Variants in ABCA13 observed in about 807,000 individuals in gnomAD.
ABCA13 encodes ATP binding cassette subfamily A member 13.
In ABCA13, 476 loss-of-function variants were observed where a neutral mutation model predicts 478.7. The ratio of observed to expected loss-of-function variants is 0.99; its 90% confidence interval spans 0.92 to 1.07. ABCA13 has a LOEUF of 1.07. ABCA13 is among the 50% of genes least tolerant of loss of function. ABCA13 has a pLI of 0.00. For missense variants in ABCA13, 6,060 were observed against 5,910.6 expected, an observed-to-expected ratio of 1.03 and a Z score of -0.83; for synonymous variants, 2,252 against 2,158.9, an observed-to-expected ratio of 1.04 and a Z score of -1.20.
chr7:48,361,184 A>G (rs1014909921), intron 31 of ABCA13, among the ~76,000 whole-genome samples: 19 of 151,942 alleles, frequency 1.3e-4, no homozygotes, highest in Admixed American at 3.9e-4. Context: ...AGGGACGAGA[A>G]TCACAGCACC....
chr7:48,332,521 T>A (rs1805573908), intron 27 of ABCA13, among the ~76,000 whole-genome samples: 1 of 152,238 alleles, frequency 6.6e-6, no homozygotes, highest in East Asian at 1.9e-4. Context: ...TATGTTTTAA[T>A]CATCAAATAC....
chr7:48,486,133 T>C lies in ABCA13; in HGVS notation c.13182+2970T>C, dbSNP rs555792359. Among the ~76,000 whole-genome samples, 34 of 152,342 alleles carry C rather than the reference T, an allele frequency of 2.2e-4. 1 individual carries two copies. The highest frequency in any genetic ancestry group is 3.4e-3 in the Middle Eastern group (1 of 294). On this transcript the variant is annotated intron_variant, in intron 47 of 61. Coordinates refer to ENST00000435803, the MANE Select transcript of ABCA13 (RefSeq NM_152701.5). ...CTACTCTCACGATCTTGTTGAGATA[T>C]GCTGCTCTCTCTAAAATTAATTAGT...
chr7:48,388,648 G>T (rs549663657), intron 36 of ABCA13, among the ~76,000 whole-genome samples: 2 of 152,318 alleles, frequency 1.3e-5, no homozygotes, highest in African/African-American at 4.8e-5. Context: ...TCTGAATTAT[G>T]AATCTTTTAG....
At chr7:48,394,208 C>G (rs1172534465) in intron 38 of ABCA13, among the ~76,000 whole-genome samples, 5 of 152,086 alleles carry the variant, frequency 3.3e-5, no homozygotes, top group Admixed American at 3.3e-4. Flanking sequence ...TGCCTATTGT[C>G]TCAGATTTAT....
chr7:48,273,457 T>G lies in ABCA13; in HGVS notation c.3791T>G (p.Leu1264Arg). The G allele has an allele frequency of 2.5e-6, 4 of 1,611,710 alleles. No individual in the cohort carries two copies. The highest frequency in any genetic ancestry group is 3.4e-6 in the Non-Finnish European group (4 of 1,178,696). ...EKSLFTMEAA[L>R]HQLKTFPFNE... ...TCCCTTTTCACCATGGAAGCTGCCC[T>G]GCATCAGTTGAAGACATTTCCATTC... Residue 1264 changes from leucine (L) to arginine (R), a missense_variant, in exon 17 of 62, where the codon CTG becomes CGG. Coordinates refer to ENST00000435803, the MANE Select transcript of ABCA13 (RefSeq NM_152701.5).
chr7:48,407,236 G>A (rs919657698), intron 39 of ABCA13, among the ~76,000 whole-genome samples: 8 of 152,120 alleles, frequency 5.3e-5, no homozygotes, highest in East Asian at 1.9e-4. Context: ...CACTTTGGGC[G>A]GCCGAGAGAA....
Position 48,642,165 on chromosome 7 carries a change from TAAGAC to T in ABCA13, c.14838-1118_14838-1114del, listed in dbSNP as rs147634098. On this transcript the variant is annotated intron_variant, in intron 59 of 61. Coordinates refer to ENST00000435803, the MANE Select transcript of ABCA13 (RefSeq NM_152701.5). ...GAAGTGACATCTGACAGCCTGAAAT[TAAGAC>T]AAGAGGACAGAAAAACAGAACACCA... Among the ~76,000 whole-genome samples the T allele has an allele frequency of 7.1e-3, 1,083 of 152,260 alleles. 12 individuals are homozygous for T. The highest frequency in any genetic ancestry group is 0.024 in the African/African-American group (1,000 of 41,548).
At chr7:48,424,579 G>T (rs1821164736) in intron 41 of ABCA13, among the ~76,000 whole-genome samples, 2 of 152,310 alleles carry the variant, frequency 1.3e-5, no homozygotes, top group Non-Finnish European at 2.9e-5. Context: ...ACTTACTGAT[G>T]ACGCTAAGTG....
intron 25 of ABCA13, among the ~76,000 whole-genome samples, chr7:48,313,530 G>A (rs1041430955): frequency 2.0e-5 from 3 of 152,202 alleles, no homozygotes; most frequent in African/African-American, 7.2e-5. Flanking sequence ...GCACAGATGA[G>A]ATTTCAAGGG....
intron 55 of ABCA13, among the ~76,000 whole-genome samples, chr7:48,566,102 C>G (rs1017059096): frequency 1.3e-5 from 2 of 152,106 alleles, no homozygotes; most frequent in Non-Finnish European, 2.9e-5. Context: ...TCTCATTGAC[C>G]TACTTTCACG....
chr7:48,414,834 C>A (rs62447272), intron 41 of ABCA13, among the ~76,000 whole-genome samples: 29,612 of 151,946 alleles, frequency 0.19, 3,273 homozygotes, highest in East Asian at 0.23. Flanking sequence ...GAGTAACAAT[C>A]ATGATTAAAT....
In ABCA13 at chr7:48,185,970, T is replaced by G. The variant is rs529749677; in HGVS notation, c.70-6989T>G. Among the ~76,000 whole-genome samples the G allele has an allele frequency of 1.6e-4, 24 of 152,116 alleles. No individual in the cohort carries two copies. The East Asian group carries it at 2.5e-3, about 16-fold the overall frequency. ...ATCATTGATTGATATCCTTATATAT[T>G]GATAAGAATGACAACTTTCCTTGTC... On this transcript the variant is annotated intron_variant, in intron 1 of 61. Transcript: ENST00000435803.
chr7:48,405,227 C>A (rs909383669), intron 39 of ABCA13, among the ~76,000 whole-genome samples: 2 of 152,226 alleles, frequency 1.3e-5, no homozygotes, highest in African/African-American at 4.8e-5. Flanking sequence ...GTCAGCAGGA[C>A]CTACTGTGAG....
chr7:48,474,809 G>A (rs1057172719), intron 45 of ABCA13, among the ~76,000 whole-genome samples: 1 of 152,108 alleles, frequency 6.6e-6, no homozygotes. Flanking sequence ...TTCTATTATA[G>A]TAGTGGCTTT....
Position 48,507,854 on chromosome 7 carries a change from G to C in ABCA13, c.13347-18G>C. 2 of 1,589,504 alleles carry C rather than the reference G, an allele frequency of 1.3e-6. No homozygotes were observed. Among genetic ancestry groups the C allele is most frequent in the Non-Finnish European group, 1.7e-6 (2 of 1,166,028 alleles). The stretch of plus-strand genomic sequence containing the variant: ...GTTCTTCGTCAGGTGCCTGAGAGCT[G>C]CTCTGTTCCACCCGCAGCCTGGAGA... On this transcript the variant is annotated intron_variant, in intron 49 of 61. Coordinates refer to ENST00000435803, the MANE Select transcript of ABCA13 (RefSeq NM_152701.5).
At chr7:48,509,959 C>T (rs7791044) in intron 50 of ABCA13, among the ~76,000 whole-genome samples, 27,867 of 152,132 alleles carry the variant, frequency 0.18, 3,018 homozygotes, top group African/African-American at 0.29. Flanking sequence ...ACCGAATCTG[C>T]CAGCACCTTG....
chr7:48,416,528 A>G (rs1444634895), intron 41 of ABCA13, among the ~76,000 whole-genome samples: 1 of 152,120 alleles, frequency 6.6e-6, no homozygotes, highest in Non-Finnish European at 1.5e-5. Flanking sequence ...CATGGAAGGA[A>G]CCACAACATA....
At chr7:48,457,903 A>T (rs1825843381) in intron 43 of ABCA13, among the ~76,000 whole-genome samples, 1 of 152,248 alleles carries the variant, frequency 6.6e-6, no homozygotes, top group African/African-American at 2.4e-5. Context: ...ATCCACATTG[A>T]TGGAACATTT....
chr7:48,399,075 G>C (rs1405897119), intron 38 of ABCA13, among the ~76,000 whole-genome samples: 1 of 152,132 alleles, frequency 6.6e-6, no homozygotes, highest in South Asian at 2.1e-4. Context: ...AGGGAATGAA[G>C]GTCTTATTAG....
Sources: gnomAD v4.1 joint callset for allele counts (sites outside exome capture counted in the v4.1 genomes callset) on GRCh38, gnomAD v4.1.1 for gene constraint, MANE v1.5 for transcripts, NCBI Gene and HGNC (gene_info 2026-07-23, HGNC 2026-07-21) for gene names.